The following CFAP54 variants were observed in gnomAD, a reference collection of about 807,000 sequenced individuals.
CFAP54 encodes cilia and flagella associated protein 54.
In CFAP54, 290 loss-of-function variants were observed where a neutral mutation model predicts 370.4. The ratio of observed to expected loss-of-function variants is 0.78; its 90% CI spans 0.71 to 0.86. CFAP54 has a LOEUF of 0.86. Among genes scored for constraint, CFAP54 ranks in the 40% least tolerant of loss-of-function variants. The pLI, the probability that CFAP54 is intolerant of heterozygous loss-of-function variation, is 0.00. For missense variants in CFAP54, 3,399 were observed against 3,528.7 expected, an observed-to-expected ratio of 0.96 and a Z score of 0.93; for synonymous variants, 1,206 against 1,236.5, an observed-to-expected ratio of 0.98 and a Z score of 0.52.
chr12:96,685,793 C>T (rs565118691), intron 42 of CFAP54, among the ~76,000 whole-genome samples: 1 of 152,288 alleles, frequency 6.6e-6, no homozygotes, highest in Non-Finnish European at 1.5e-5. Flanking sequence ...TTCTGGTGAT[C>T]TGCCCACCTC....
At chr12:96,496,608 T>A (rs532961848) in intron 1 of CFAP54, among the ~76,000 whole-genome samples, 20 of 152,304 alleles carry the variant, frequency 1.3e-4, no homozygotes, top group Admixed American at 6.5e-4. Flanking sequence ...ACTAATCTTA[T>A]AATTTCATTT....
At chr12:96,611,029 G>A (rs1312128189) in intron 26 of CFAP54, among the ~76,000 whole-genome samples, 1 of 142,798 alleles carries the variant, frequency 7.0e-6, no homozygotes, top group Non-Finnish European at 1.5e-5. Flanking sequence ...TGACAGCTTT[G>A]AAGAGAGTAG....
At chr12:96,724,078 A>T (rs1171843369) in intron 50 of CFAP54, among the ~76,000 whole-genome samples, 4 of 151,778 alleles carry the variant, frequency 2.6e-5, no homozygotes, top group South Asian at 2.1e-4. Context: ...TCTATCATTG[A>T]TGGACATTTG....
chr12:96,608,741 C>T (rs750719873), intron 26 of CFAP54, among the ~76,000 whole-genome samples: 17 of 152,126 alleles, frequency 1.1e-4, no homozygotes, highest in Admixed American at 4.6e-4. Flanking sequence ...GGATTACAGG[C>T]GTGAGCCACC....
chr12:96,789,289 G>A (rs1446707342), intron 62 of CFAP54, among the ~76,000 whole-genome samples: 1 of 152,174 alleles, frequency 6.6e-6, no homozygotes, highest in African/African-American at 2.4e-5. Flanking sequence ...TCCCCCATGG[G>A]AAGGAGTGAG....
intron 65 of CFAP54, among the ~76,000 whole-genome samples, chr12:96,822,054 A>T (rs1959041328): frequency 1.3e-5 from 2 of 152,162 alleles, no homozygotes; most frequent in Non-Finnish European, 2.9e-5. Context: ...AGAACTTCAG[A>T]ACACATATAT....
intron 44 of CFAP54, 126 bp downstream of exon 44, chr12:96,691,436 T>G (rs1957386780): frequency 7.0e-6 from 4 of 575,132 alleles, no homozygotes; most frequent in Non-Finnish European, 1.1e-5. Flanking sequence ...TCTATATATG[T>G]GGGATTCTTA....
chr12:96,853,011 A>C (rs1389459995), intron 66 of CFAP54, among the ~76,000 whole-genome samples: 3 of 152,164 alleles, frequency 2.0e-5, no homozygotes, highest in Admixed American at 2.0e-4. Flanking sequence ...TGGAAAATAT[A>C]AATTAGAAAA....
At chr12:96,642,578 T>G (rs183086078) in intron 32 of CFAP54, among the ~76,000 whole-genome samples, 20 of 152,270 alleles carry the variant, frequency 1.3e-4, no homozygotes, top group Admixed American at 3.9e-4. Flanking sequence ...TTTCCGGAGT[T>G]TTCTCTTTTT....
intron 16 of CFAP54, 39 bp downstream of exon 16, chr12:96,554,349 C>A: frequency 6.8e-7 from 1 of 1,467,130 alleles, no homozygotes. Flanking sequence ...TGAAGTTTTA[C>A]TTAACTGGGA....
intron 19 of CFAP54, among the ~76,000 whole-genome samples, chr12:96,569,163 C>A (rs1178507365): frequency 1.3e-5 from 2 of 152,154 alleles, no homozygotes; most frequent in African/African-American, 4.8e-5. Context: ...TAGAAAGAGG[C>A]AGAAATGCTC....
chr12:96,541,014 A>G (rs1592841043), intron 14 of CFAP54, 27 bp downstream of exon 14: 5 of 1,414,848 alleles, frequency 3.5e-6, no homozygotes, highest in African/African-American at 2.9e-5. Flanking sequence ...AAAATTGTAT[A>G]CATATATAAA....
intron 5 of CFAP54, among the ~76,000 whole-genome samples, chr12:96,514,601 G>C (rs1407380626): frequency 6.6e-6 from 1 of 152,234 alleles, no homozygotes; most frequent in Non-Finnish European, 1.5e-5. Flanking sequence ...GTCTGCTGCA[G>C]TGCTTGCTGC....
intron 64 of CFAP54, among the ~76,000 whole-genome samples, chr12:96,815,919 A>G (rs1199985390): frequency 6.6e-6 from 1 of 152,180 alleles, no homozygotes; most frequent in Non-Finnish European, 1.5e-5. Context: ...CCATTGGTCT[A>G]TGTACCTGTT....
At chr12:96,845,228 C>A (rs555521075) in intron 66 of CFAP54, among the ~76,000 whole-genome samples, 94 of 152,202 alleles carry the variant, frequency 6.2e-4, no homozygotes, top group African/African-American at 2.2e-3. Context: ...GGTATGAGTT[C>A]TTAGTTATTA....
Position 96,522,126 on chromosome 12 carries a change from T to C in CFAP54, c.1095T>C (p.Ser365=). The C allele has an allele frequency of 1.3e-6, 2 of 1,535,712 alleles. No homozygotes were observed. Among genetic ancestry groups the C allele is most frequent in the Non-Finnish European group, 1.7e-6 (2 of 1,146,794 alleles). Residue 365 remains serine, a synonymous_variant, in exon 8 of 68, where the codon TCT becomes TCC. Transcript: ENST00000524981. ...VMIFKRGVFE[S]RRKNKAVFRP... is the part of the protein sequence containing the mutation. ...TCTTCAAAAGAGGAGTCTTTGAATC[T>C]AGAAGAAAAAACAAAGCTGTCTTTA...
Position 96,733,467 on chromosome 12 carries a change from G to A in CFAP54, c.6966-6489G>A, listed in dbSNP as rs557813062. On this transcript the variant is annotated intron_variant, in intron 50 of 67. Transcript: ENST00000524981. ...CCATTTTTGTCATGAATGCTAATAA[G>A]AAATAAATGGGATCAAAGTTATTCA... Among the ~76,000 whole-genome samples, 6 of 151,306 alleles carry A rather than the reference G, an allele frequency of 4.0e-5. No homozygotes were observed. In the South Asian group the frequency reaches 1.3e-3, roughly 32 times the overall value.
chr12:96,732,931 T>C (rs180727127), intron 50 of CFAP54, among the ~76,000 whole-genome samples: 114 of 152,330 alleles, frequency 7.5e-4, no homozygotes, highest in African/African-American at 2.6e-3. Flanking sequence ...ACCTTCATTC[T>C]TTCCCCAGCT....
intron 57 of CFAP54, among the ~76,000 whole-genome samples, 178 bp from the exon 58 acceptor site, chr12:96,757,317 T>C (rs1172341879): frequency 6.6e-6 from 1 of 152,104 alleles, no homozygotes; most frequent in African/African-American, 2.4e-5. Context: ...CCAATTTTAG[T>C]AGGGAGGAAG....
Sources: gnomAD v4.1 joint callset for allele counts (sites outside exome capture counted in the v4.1 genomes callset) on GRCh38, gnomAD v4.1.1 for gene constraint, MANE v1.5 for transcripts, NCBI Gene and HGNC (gene_info 2026-07-23, HGNC 2026-07-21) for gene names.